The following CTNNA2 variants were observed in gnomAD, a reference collection of about 807,000 sequenced individuals.
CTNNA2 encodes catenin alpha 2.
A neutral mutation model predicts 101.0 loss-of-function variants in CTNNA2; 42 were observed. The ratio of observed to expected loss-of-function variants is 0.42; its 90% CI spans 0.32 to 0.54. The LOEUF (loss-of-function observed/expected upper bound fraction) is 0.54, where lower values mean the gene tolerates loss of function less well. Ranked by LOEUF, CTNNA2 falls within the 20% of genes least tolerant of loss-of-function variation. The pLI is 0.14. For missense variants in CTNNA2, 871 were observed against 1,223.1 expected, an observed-to-expected ratio of 0.71 and a Z score of 4.29; for synonymous variants, 450 against 456.4, an observed-to-expected ratio of 0.99 and a Z score of 0.18.
chr2:79,929,081 G>A (rs1217883777), intron 7 of CTNNA2, among the ~76,000 whole-genome samples: 2 of 152,168 alleles, frequency 1.3e-5, no homozygotes, highest in Non-Finnish European at 2.9e-5. Context: ...TTGACAGGGA[G>A]ATGTGACAGG....
chr2:80,256,215 C>A (rs962063069), intron 7 of CTNNA2, among the ~76,000 whole-genome samples: 1 of 152,034 alleles, frequency 6.6e-6, no homozygotes, highest in African/African-American at 2.4e-5. Context: ...CTCAGCCATA[C>A]CATGTGAATT....
chr2:79,622,542 A>G, intron 1 of CTNNA2, among the ~76,000 whole-genome samples: 1 of 152,370 alleles, frequency 6.6e-6, no homozygotes, highest in East Asian at 1.9e-4. Context: ...CAATGATAAG[A>G]AAACATTATT....
At chr2:79,306,838 A>T (rs761445565) in intron 2 of CTNNA2, among the ~76,000 whole-genome samples, 2 of 152,230 alleles carry the variant, frequency 1.3e-5, no homozygotes, top group Non-Finnish European at 2.9e-5. Flanking sequence ...ATGTATTAAC[A>T]TTATTTTGAA....
intron 2 of CTNNA2, among the ~76,000 whole-genome samples, chr2:79,286,727 T>C (rs1198457135): frequency 1.3e-5 from 2 of 152,146 alleles, no homozygotes; most frequent in Non-Finnish European, 2.9e-5. Flanking sequence ...CTGACAATTA[T>C]GTGTCTTGGA....
At chr2:79,898,540 T>C (rs1009730790) in intron 6 of CTNNA2, among the ~76,000 whole-genome samples, 3 of 152,182 alleles carry the variant, frequency 2.0e-5, no homozygotes, top group African/African-American at 4.8e-5. Flanking sequence ...AGTCTTCCAC[T>C]GTGTGGCCTT....
rs555590837 is a variant in CTNNA2 at position 79,926,276 on chromosome 2, C to T, written c.1056+16479C>T. Reference sequence around the variant, plus strand: ...GAATAGCATGCTGTCTTATAGAGTACGATACTAGAACTCTTGGCATGCATC... The same window carrying T: ...GAATAGCATGCTGTCTTATAGAGTATGATACTAGAACTCTTGGCATGCATC... On this transcript the variant is annotated intron_variant, in intron 7 of 18. Coordinates refer to ENST00000402739, the MANE Select transcript of CTNNA2 (RefSeq NM_001282597.3). 1.3e-3 allele frequency among the ~76,000 whole-genome samples: 191 copies of T among 152,142 alleles called. 4 individuals are homozygous for T. The South Asian group carries it at 0.035, about 28-fold the overall frequency.
chr2:79,653,407 T>C (rs1271374674), intron 2 of CTNNA2, among the ~76,000 whole-genome samples: 3 of 152,158 alleles, frequency 2.0e-5, no homozygotes, highest in African/African-American at 7.2e-5. Context: ...GATTTTACTA[T>C]GCACATCTCC....
intron 9 of CTNNA2, among the ~76,000 whole-genome samples, chr2:80,543,934 C>G (rs1691809470): frequency 6.6e-6 from 1 of 152,142 alleles, no homozygotes; most frequent in African/African-American, 2.4e-5. Flanking sequence ...TTCTCCTCTT[C>G]TTTGACTTTT....
At chr2:80,020,856 T>A (rs1227775010) in intron 7 of CTNNA2, among the ~76,000 whole-genome samples, 1 of 152,136 alleles carries the variant, frequency 6.6e-6, no homozygotes, top group Non-Finnish European at 1.5e-5. Context: ...CCTTAGTCTA[T>A]GAACTTTGTT....
At chr2:79,263,699 A>G (rs895090508) in intron 2 of CTNNA2, among the ~76,000 whole-genome samples, 1 of 152,156 alleles carries the variant, frequency 6.6e-6, no homozygotes, top group Non-Finnish European at 1.5e-5. Flanking sequence ...CTTCATTACC[A>G]CAAGAGTGGG....
Position 79,330,388 on chromosome 2 carries a change from G to A in CTNNA2, c.-318+17592G>A, listed in dbSNP as rs115958733. Among the ~76,000 whole-genome samples, 1,312 of 152,244 alleles carry A rather than the reference G, an allele frequency of 8.6e-3. 22 individuals carry two copies. The highest frequency in any genetic ancestry group is 0.029 in the African/African-American group (1,224 of 41,526). On this transcript the variant is annotated intron_variant, in intron 3 of 21. Transcript: ENST00000466387. ...TTTCCAGAAAGACAAGATGAAGGCA[G>A]AAGGACAGTATAACTGTCAGTCCTG... is the stretch of plus-strand genomic sequence containing the variant.
At chr2:79,213,670 G>C (rs1289275955) in intron 2 of CTNNA2, among the ~76,000 whole-genome samples, 1 of 152,182 alleles carries the variant, frequency 6.6e-6, no homozygotes, top group Non-Finnish European at 1.5e-5. Flanking sequence ...AGGTGGATCA[G>C]ACAGATATAG....
chr2:79,899,616 T>G (rs1209670927), intron 6 of CTNNA2, among the ~76,000 whole-genome samples: 2 of 152,268 alleles, frequency 1.3e-5, no homozygotes, highest in Admixed American at 6.5e-5. Context: ...AAAGTGCTGT[T>G]TAATTATTAA....
At chr2:80,074,998 C>T (rs1442070056) in intron 7 of CTNNA2, among the ~76,000 whole-genome samples, 1 of 152,046 alleles carries the variant, frequency 6.6e-6, no homozygotes, top group African/African-American at 2.4e-5. Context: ...GAACATTTGA[C>T]CTTGATTCGT....
chr2:80,156,880 A>G (rs6746626), intron 7 of CTNNA2, among the ~76,000 whole-genome samples: 39,043 of 152,092 alleles, frequency 0.26, 7,795 homozygotes, highest in African/African-American at 0.55. Context: ...GAGGCCCCCA[A>G]ATTTACCTTC....
At chr2:80,626,420 C>G (rs2149817797) in intron 18 of CTNNA2, among the ~76,000 whole-genome samples, 1 of 152,186 alleles carries the variant, frequency 6.6e-6, no homozygotes. Context: ...TGCTTCCTAG[C>G]TATGTTAGTA....
intron 3 of CTNNA2, among the ~76,000 whole-genome samples, chr2:79,781,647 T>C (rs1173467467): frequency 6.6e-6 from 1 of 152,238 alleles, no homozygotes; most frequent in Non-Finnish European, 1.5e-5. Context: ...AGCTGCTTTA[T>C]GTAAAGCTAT....
intron 7 of CTNNA2, among the ~76,000 whole-genome samples, chr2:79,957,463 T>G (rs1689318816): frequency 6.6e-6 from 1 of 152,196 alleles, no homozygotes; most frequent in African/African-American, 2.4e-5. Flanking sequence ...TGCTCTGGGC[T>G]GTGTATTCTG....
chr2:79,218,311 TTGTGTGTGTGTGTG>T lies in CTNNA2; in HGVS notation c.-406+20261_-406+20274del, dbSNP rs60680995. On this transcript the variant is annotated intron_variant, in intron 2 of 21. Coordinates refer to the CTNNA2 transcript ENST00000466387. ...CCAGGCACCAGAATCTTCATGAACT[TTGTGTGTGTGTGTG>T]TGTGTGTGTGTGTGTGTGTGTGTGT... Among the ~76,000 whole-genome samples the T allele has an allele frequency of 6.0e-3, 687 of 114,758 alleles. 6 individuals carry two copies. Among genetic ancestry groups the T allele is most frequent in the African/African-American group, 0.021 (631 of 30,646 alleles). 75.3% of individuals were successfully genotyped at this position (114,758 alleles called of 152,430 possible). A position where few individuals can be genotyped will look rare whatever the true frequency, so the allele number is the denominator to read the frequency against.
Sources: allele counts gnomAD v4.1 joint callset (sites outside exome capture counted in the v4.1 genomes callset), GRCh38; gene constraint gnomAD v4.1.1; transcripts MANE v1.5; gene names NCBI Gene and HGNC (gene_info 2026-07-23, HGNC 2026-07-21).